OPCML: variants seen among roughly 807,000 people sequenced by gnomAD.
The protein encoded by OPCML is opioid-binding protein/cell adhesion molecule.
OPCML carries 13 observed loss-of-function variants against 37.8 expected under a neutral mutation model. That is an observed-to-expected ratio of 0.34 (90% CI 0.22 to 0.55). OPCML has a LOEUF of 0.55. OPCML is among the 20% of genes least tolerant of loss of function. The pLI is 0.91. For synonymous variants in OPCML, 176 were observed against 168.8 expected (o/e 1.04, Z -0.33); for missense variants, 341 against 435.6 (o/e 0.78, Z 1.93).
chr11:132,716,734 T>C (rs1944508655), intron 2 of OPCML, among the ~76,000 whole-genome samples: 2 of 152,298 alleles, frequency 1.3e-5, no homozygotes, highest in South Asian at 4.1e-4. Flanking sequence ...ATTCCATAAT[T>C]TTAAATTAAT....
intron 1 of OPCML, among the ~76,000 whole-genome samples, chr11:133,329,617 A>C (rs1943569566): frequency 6.6e-6 from 1 of 152,210 alleles, no homozygotes; most frequent in Non-Finnish European, 1.5e-5. Context: ...AATGGTTCTG[A>C]GAAAACTGGC....
chr11:132,489,289 C>T (rs1048346134), intron 4 of OPCML, among the ~76,000 whole-genome samples: 13 of 152,194 alleles, frequency 8.5e-5, no homozygotes, highest in African/African-American at 2.4e-4. Flanking sequence ...ACACATGGAG[C>T]TGTCATCTCC....
intron 1 of OPCML, among the ~76,000 whole-genome samples, chr11:133,141,903 C>T (rs1949829285): frequency 1.3e-5 from 2 of 152,294 alleles, no homozygotes; most frequent in Admixed American, 1.3e-4. Flanking sequence ...TCTCATCCAT[C>T]TTTCCTTTCA....
chr11:133,343,756 G>A (rs1943930918), intron 1 of OPCML, among the ~76,000 whole-genome samples: 1 of 152,068 alleles, frequency 6.6e-6, no homozygotes, highest in African/African-American at 2.4e-5. Context: ...TTACAAATGG[G>A]AAAAAAGAGG....
chr11:132,428,063 A>G (rs1368179335), intron 7 of OPCML, among the ~76,000 whole-genome samples: 1 of 152,226 alleles, frequency 6.6e-6, no homozygotes, highest in Admixed American at 6.5e-5. Context: ...GCAGCTTTTG[A>G]TGTCTCTGCA....
intron 1 of OPCML, among the ~76,000 whole-genome samples, chr11:133,459,185 T>C (rs1047783420): frequency 4.6e-5 from 7 of 152,052 alleles, no homozygotes; most frequent in South Asian, 4.1e-4. Flanking sequence ...GAATGTTATA[T>C]ATAATCCCCA....
In OPCML at chr11:132,717,064, TA is replaced by T. The variant is rs1263625969; in HGVS notation, c.147-59746del. On this transcript the variant is annotated intron_variant, in intron 2 of 7. Coordinates refer to ENST00000524381, the MANE Select transcript of OPCML (RefSeq NM_001012393.5). ...ACTCTGGACATGTATCATATAATAA[TA>T]AATAATTATGTACAAATAAAAAATA... Among the ~76,000 whole-genome samples, 3 of 152,114 alleles carry T rather than the reference TA, an allele frequency of 2.0e-5. No homozygotes were observed. In the East Asian group the frequency reaches 5.8e-4, roughly 29 times the overall value.
At chr11:133,383,274 C>T (rs1001128795) in intron 1 of OPCML, among the ~76,000 whole-genome samples, 13 of 152,156 alleles carry the variant, frequency 8.5e-5, no homozygotes, top group African/African-American at 3.1e-4. Context: ...TTCCTCGATC[C>T]CCATTATTCC....
chr11:132,518,309 G>A (rs1289911830), intron 4 of OPCML, among the ~76,000 whole-genome samples: 1 of 152,054 alleles, frequency 6.6e-6, no homozygotes, highest in Non-Finnish European at 1.5e-5. Context: ...ACCCACTTAT[G>A]AGTGAGAACA....
At chr11:132,582,147 T>TGA (rs2096463394) in intron 3 of OPCML, among the ~76,000 whole-genome samples, 2 of 127,986 alleles carry the variant, frequency 1.6e-5, no homozygotes, top group African/African-American at 5.7e-5. Flanking sequence ...TGTGTGTGTG[T>TGA]GTGAAACAGA....
intron 2 of OPCML, among the ~76,000 whole-genome samples, chr11:132,675,017 C>T (rs1051713153): frequency 4.6e-5 from 7 of 152,012 alleles, no homozygotes; most frequent in African/African-American, 1.7e-4. Flanking sequence ...GAGTAAATTT[C>T]CCTGTGTCAT....
At chr11:132,583,713 A>G (rs2096466681) in intron 3 of OPCML, among the ~76,000 whole-genome samples, 1 of 152,056 alleles carries the variant, frequency 6.6e-6, no homozygotes, top group African/African-American at 2.4e-5. Context: ...TCCTGGGTTC[A>G]AGAGATTCTC....
At chr11:132,434,729 G>T (rs2096007611) in intron 7 of OPCML, among the ~76,000 whole-genome samples, 1 of 152,016 alleles carries the variant, frequency 6.6e-6, no homozygotes, top group African/African-American at 2.4e-5. Context: ...AAAGTTTTTA[G>T]AACTAAACCA....
At chr11:132,816,671 C>T (rs1197059097) in intron 2 of OPCML, among the ~76,000 whole-genome samples, 1 of 152,094 alleles carries the variant, frequency 6.6e-6, no homozygotes, top group Non-Finnish European at 1.5e-5. Context: ...TCACAGCGTT[C>T]GAGAGTTCTG....
intron 3 of OPCML, among the ~76,000 whole-genome samples, chr11:132,559,491 C>A (rs1183373787): frequency 6.6e-6 from 1 of 152,158 alleles, no homozygotes; most frequent in Non-Finnish European, 1.5e-5. Context: ...TATCTGCAAC[C>A]TCTGGACGCC....
At chr11:132,925,891 T>G (rs1268322107) in intron 2 of OPCML, among the ~76,000 whole-genome samples, 1 of 152,208 alleles carries the variant, frequency 6.6e-6, no homozygotes, top group Non-Finnish European at 1.5e-5. Context: ...CATGACTCTG[T>G]TATTCCCTAC....
intron 2 of OPCML, among the ~76,000 whole-genome samples, chr11:132,703,500 C>T (rs1022390997): frequency 5.3e-5 from 8 of 152,176 alleles, no homozygotes; most frequent in Admixed American, 1.3e-4. Flanking sequence ...GTACACATCT[C>T]TTCCGGTCTG....
chr11:133,362,206 TC>T (rs1431330866), intron 1 of OPCML: 2 of 152,316 alleles, frequency 1.3e-5, no homozygotes, highest in African/African-American at 4.8e-5. Flanking sequence ...AAAAGGAGAC[TC>T]GGGGTTAGAA....
At chr11:132,594,595 A>G (rs1325851952) in intron 3 of OPCML, among the ~76,000 whole-genome samples, 1 of 152,242 alleles carries the variant, frequency 6.6e-6, no homozygotes, top group Admixed American at 6.5e-5. Flanking sequence ...TGAATACCAT[A>G]TTCATTTCAG....
Sources: allele counts gnomAD v4.1 joint callset (sites outside exome capture counted in the v4.1 genomes callset), GRCh38; gene constraint gnomAD v4.1.1; transcripts MANE v1.5; gene names NCBI Gene and HGNC (gene_info 2026-07-23, HGNC 2026-07-21).